Variants in SLIT3 observed in about 807,000 individuals in gnomAD.
SLIT3 encodes the protein slit homolog 3 protein.
A neutral mutation model predicts 184.0 loss-of-function variants in SLIT3; 68 were observed. The ratio of observed to expected loss-of-function variants is 0.37; its 90% CI spans 0.30 to 0.45. SLIT3 has a LOEUF of 0.45. SLIT3 is among the 20% of genes least tolerant of loss of function. The pLI is 1.00. For missense variants in SLIT3, 1,707 were observed against 2,026.0 expected (o/e 0.84, Z 3.02); for synonymous variants, 831 against 828.6 (o/e 1.00, Z -0.05).
chr5:169,195,970 C>T (rs1328205538), intron 3 of SLIT3, among the ~76,000 whole-genome samples: 1 of 152,294 alleles, frequency 6.6e-6, no homozygotes. Flanking sequence ...ATATTCACAT[C>T]ATTGAACAAC....
intron 4 of SLIT3, among the ~76,000 whole-genome samples, chr5:169,082,005 T>C (rs1470229774): frequency 2.0e-5 from 3 of 152,164 alleles, no homozygotes; most frequent in African/African-American, 7.2e-5. Flanking sequence ...CAGCATAACA[T>C]TTAGCGACAT....
chr5:168,722,962 G>A lies in SLIT3; in HGVS notation c.2382C>T (p.Thr794=). 1.9e-6 allele frequency: 3 copies of A among 1,613,818 alleles called. No homozygotes were observed. The highest frequency in any genetic ancestry group is 2.5e-6 in the Non-Finnish European group (3 of 1,179,712). The part of the protein sequence containing the change: ...NNSISMLTNY[T]FSNMSHLSTL... The stretch of plus-strand genomic sequence containing the variant: ...TGGAGAGGTGAGACATGTTACTGAA[G>A]GTGTAATTGGTCAGCATGCTGATGC... Residue 794 remains threonine (T), a synonymous_variant, in exon 22 of 36, where the codon ACC becomes ACT. Coordinates refer to ENST00000519560, the MANE Select transcript of SLIT3 (RefSeq NM_003062.4).
intron 4 of SLIT3, among the ~76,000 whole-genome samples, chr5:169,152,752 T>C (rs932734069): frequency 6.6e-6 from 1 of 152,148 alleles, no homozygotes; most frequent in Admixed American, 6.6e-5. Context: ...TACTCAGAAA[T>C]ATAGGGAATA....
intron 20 of SLIT3, among the ~76,000 whole-genome samples, chr5:168,744,243 T>G (rs563050042): frequency 6.6e-6 from 1 of 152,118 alleles, no homozygotes; most frequent in Non-Finnish European, 1.5e-5. Flanking sequence ...GAGCCGAGAT[T>G]GCGCCACGGC....
intron 5 of SLIT3, among the ~76,000 whole-genome samples, chr5:168,873,492 G>A (rs1244602676): frequency 2.0e-5 from 3 of 151,882 alleles, no homozygotes; most frequent in Admixed American, 6.6e-5. Flanking sequence ...TTAGCCGGGT[G>A]TGGTGGCTCA....
At chr5:169,104,099 A>T (rs2113237699) in intron 4 of SLIT3, among the ~76,000 whole-genome samples, 1 of 152,248 alleles carries the variant, frequency 6.6e-6, no homozygotes, top group South Asian at 2.1e-4. Flanking sequence ...CTTCTCACTT[A>T]ATTCTCCTAT....
At chr5:168,828,474 A>C (rs1757772343) in intron 6 of SLIT3, among the ~76,000 whole-genome samples, 1 of 152,020 alleles carries the variant, frequency 6.6e-6, no homozygotes, top group Non-Finnish European at 1.5e-5. Flanking sequence ...CTACCAAAAA[A>C]ATGAAAAATA....
chr5:168,962,946 T>C lies in SLIT3; in HGVS notation c.414-79610A>G, dbSNP rs531631973. ...CAGCCGTTCCTTCCCCATCACTCCA[T>C]CCAAAGCAAGTCTCCCCGAAACTGT... On this transcript the variant is annotated intron_variant, in intron 4 of 35. Transcript: ENST00000519560. Among the ~76,000 whole-genome samples the C allele has an allele frequency of 7.2e-5, 11 of 152,304 alleles. No individual in the cohort carries two copies. The East Asian group carries it at 2.1e-3, about 29-fold the overall frequency.
At chr5:169,033,267 G>A (rs954959758) in intron 4 of SLIT3, among the ~76,000 whole-genome samples, 2 of 152,086 alleles carry the variant, frequency 1.3e-5, no homozygotes, top group Non-Finnish European at 2.9e-5. Context: ...GCTCGTCTAT[G>A]TTGTGGCAAA....
At chr5:169,137,761 G>A (rs1471928579) in intron 4 of SLIT3, among the ~76,000 whole-genome samples, 1 of 151,734 alleles carries the variant, frequency 6.6e-6, no homozygotes, top group East Asian at 1.9e-4. Flanking sequence ...GCCAAGGACT[G>A]ATGGGGTTCC....
intron 16 of SLIT3, among the ~76,000 whole-genome samples, chr5:168,755,401 C>CTTTTCTTTTCTTTTCT (rs1011711764): frequency 5.8e-5 from 1 of 17,390 alleles, no homozygotes. Flanking sequence ...TTCTTTCTTT[C>CTTTTCTTTTCTTTTCT]TTTCTTTCTT....
At chr5:168,988,777 C>G (rs902128850) in intron 4 of SLIT3, among the ~76,000 whole-genome samples, 4 of 152,118 alleles carry the variant, frequency 2.6e-5, no homozygotes, top group African/African-American at 9.7e-5. Context: ...TAGGAGACCC[C>G]CCCCCAGGGG....
In SLIT3 at chr5:168,666,200, A is replaced by AAAAT. The variant is rs1761035267; in HGVS notation, c.*250_*253dup. On this transcript the variant is annotated 3_prime_UTR_variant, in exon 36 of 36. Transcript: ENST00000519560. ...CAAATACACAACACAAAACTTGGTA[A>AAAAT]AAATAACTCACTATATGGTACATAT... The AAAAT allele has an allele frequency of 3.1e-6, 1 of 327,330 alleles. No homozygotes were observed. Among genetic ancestry groups the AAAAT allele is most frequent in the Non-Finnish European group, 5.4e-6 (1 of 184,448 alleles). 20.3% of individuals were successfully genotyped at this position (327,330 alleles called of 1,614,324 possible).
At chr5:168,711,734 G>A (rs1762567166) in intron 24 of SLIT3, among the ~76,000 whole-genome samples, 1 of 152,190 alleles carries the variant, frequency 6.6e-6, no homozygotes, top group Non-Finnish European at 1.5e-5. Flanking sequence ...GGTCTGGCCT[G>A]GGAGTGAGGG....
intron 5 of SLIT3, among the ~76,000 whole-genome samples, chr5:168,878,762 G>T (rs6896995): frequency 0.63 from 95,241 of 150,316 alleles, 30,696 homozygotes; most frequent in Middle Eastern, 0.72. Flanking sequence ...TCTCCCAGGC[G>T]GGAGTGCAAT....
chr5:169,123,256 C>G (rs146939472), intron 4 of SLIT3, among the ~76,000 whole-genome samples: 30 of 152,154 alleles, frequency 2.0e-4, no homozygotes, highest in African/African-American at 6.7e-4. Flanking sequence ...GAACAAACAT[C>G]AAATTTATAA....
At chr5:169,127,002 A>C (rs977445207) in intron 4 of SLIT3, among the ~76,000 whole-genome samples, 1 of 151,332 alleles carries the variant, frequency 6.6e-6, no homozygotes. Context: ...TAATTTATCC[A>C]AAAGATTCCC....
chr5:169,149,131 TCTC>T (rs1762031309), intron 4 of SLIT3, among the ~76,000 whole-genome samples: 1 of 152,096 alleles, frequency 6.6e-6, no homozygotes, highest in Non-Finnish European at 1.5e-5. Context: ...GCTAGTCCGA[TCTC>T]CTAAAACAGA....
intron 4 of SLIT3, among the ~76,000 whole-genome samples, chr5:169,036,786 C>CA (rs1426075554): frequency 1.3e-5 from 2 of 152,098 alleles, no homozygotes; most frequent in African/African-American, 4.8e-5. Flanking sequence ...GTCTAGATGT[C>CA]AAAATGAATG....
Sources: gnomAD v4.1 joint callset for allele counts (sites outside exome capture counted in the v4.1 genomes callset) on GRCh38, gnomAD v4.1.1 for gene constraint, MANE v1.5 for transcripts, NCBI Gene and HGNC (gene_info 2026-07-23, HGNC 2026-07-21) for gene names.